UNK: variants seen among roughly 807,000 people sequenced by gnomAD.
UNK encodes the protein unk zinc finger, also known as RING finger protein unkempt homolog.
UNK carries 32 observed loss-of-function variants against 97.6 expected under a neutral mutation model. That is an observed-to-expected ratio of 0.33 (90% CI 0.25 to 0.44). The LOEUF is 0.44. Ranked by LOEUF, UNK falls within the 20% of genes least tolerant of loss-of-function variation. The pLI is 1.00. For missense variants in UNK, 771 were observed against 1,098.4 expected (o/e 0.70, Z 4.21); for synonymous variants, 441 against 461.2 (o/e 0.96, Z 0.56).
chr17:75,813,194 C>A lies in UNK; in HGVS notation c.739C>A (p.Pro247Thr). 6.3e-7 allele frequency: 1 copy of A among 1,587,564 alleles called. No individual in the cohort carries two copies. Among genetic ancestry groups the A allele is most frequent in the African/African-American group, 1.3e-5 (1 of 74,526 alleles). Residue 247 changes from proline (P) to threonine (T), a missense_variant, in exon 5 of 16, where the codon CCC becomes ACC. By Grantham distance (38) the Pro-to-Thr change is conservative (BLOSUM62 -1). Transcript: ENST00000589666. ...YHNSKDRRRS[P>T]RKHKYRSSPC... ...CAACAGCAAGGACCGGCGGCGGAGC[C>A]CCCGGAAGCACAAATACAGGTCCTT...
rs769605492 is a variant in UNK at position 75,809,984 on chromosome 17, C to T, written c.314+15C>T. The T allele has an allele frequency of 1.9e-6, 3 of 1,613,068 alleles. No homozygotes were observed. The highest frequency in any genetic ancestry group is 1.7e-5 in the Admixed American group (1 of 59,998). On this transcript the variant is annotated intron_variant, in intron 2 of 15. Coordinates refer to ENST00000589666, the MANE Select transcript of UNK (RefSeq NM_001080419.3). The stretch of plus-strand genomic sequence containing the variant: ...GAGGGCGACGAGTGAGTGACCCAGC[C>T]TGTCCTCAGAGGAGCCCCGTGTCTC...
At chr17:75,812,648 T>A in intron 4 of UNK, 63 bp downstream of exon 4, 1 of 1,563,352 alleles carries the variant, frequency 6.4e-7, no homozygotes, top group Non-Finnish European at 8.7e-7. Context: ...GCCCTGGGGA[T>A]TTGGCTCACC....
chr17:75,823,246 CTG>C lies in UNK; in HGVS notation c.2020-17_2020-16del. On this transcript the variant is annotated splice_polypyrimidine_tract_variant and intron_variant, in intron 14 of 15. Coordinates refer to ENST00000589666, the MANE Select transcript of UNK (RefSeq NM_001080419.3). ...GCAGGGCAGGGCCATTGTGATGAGA[CTG>C]TATGCTGGCCCCACAGGCTTGTGAT... 6.3e-7 allele frequency: 1 copy of C among 1,582,224 alleles called. No individual in the cohort carries two copies. Among genetic ancestry groups the C allele is most frequent in the South Asian group, 1.1e-5 (1 of 88,498 alleles).
rs1567808611 is a variant in UNK at position 75,818,587 on chromosome 17, C to T, written c.1372-55C>T. On this transcript the variant is annotated intron_variant, in intron 10 of 15. Transcript: ENST00000589666. This position sits in a 1 kb window ranked among gnomAD's most constrained non-coding sequence, Gnocchi z 5.1. ...CCCAGCCCCTCTCCAGCCTCTCGTC[C>T]TGGCCTCCGTATGCAGGCCTACCAT... 7 of 1,527,360 alleles carry T rather than the reference C, an allele frequency of 4.6e-6. No homozygotes were observed. In the East Asian group the frequency reaches 1.6e-4, roughly 35 times the overall value. 94.6% of individuals were successfully genotyped at this position (1,527,360 alleles called of 1,614,324 possible).
intron 3 of UNK, 62 bp from the exon 4 acceptor site, chr17:75,812,393 A>G: frequency 6.3e-7 from 1 of 1,585,490 alleles, no homozygotes; most frequent in Non-Finnish European, 8.6e-7. Context: ...GAGGGCTGGC[A>G]CTCTGGTTCT....
intron 13 of UNK, among the ~76,000 whole-genome samples, chr17:75,820,763 G>A (rs878371): frequency 0.49 from 74,977 of 152,002 alleles, 22,485 homozygotes; most frequent in Admixed American, 0.65. Flanking sequence ...TCCTGAGGGC[G>A]GGATGGGAAG....
At chr17:75,786,047 G>A (rs1027790262) in intron 1 of UNK, among the ~76,000 whole-genome samples, 11 of 152,208 alleles carry the variant, frequency 7.2e-5, no homozygotes, top group Admixed American at 7.2e-4. Context: ...AAGACCTTGG[G>A]AAACTGTTCT....
intron 7 of UNK, 67 bp downstream of exon 7, chr17:75,815,320 C>T: frequency 6.7e-6 from 10 of 1,493,566 alleles, no homozygotes; most frequent in Non-Finnish European, 6.4e-6. Context: ...CTAGCTCAGG[C>T]TTAGGCCGGG....
At chr17:75,802,455 G>T (rs1259491573) in intron 1 of UNK, among the ~76,000 whole-genome samples, 2 of 151,562 alleles carry the variant, frequency 1.3e-5, no homozygotes, top group Non-Finnish European at 2.9e-5. Flanking sequence ...TTTAGTGATG[G>T]GGTCTTGCTA....
intron 1 of UNK, chr17:75,794,077 G>A (rs2143689511): frequency 1.0e-6 from 1 of 984,982 alleles, no homozygotes; most frequent in Non-Finnish European, 1.2e-6. Context: ...ATAAATTAGA[G>A]ACTGGTACTT....
chr17:75,789,427 C>T (rs2061742804), intron 1 of UNK, among the ~76,000 whole-genome samples: 1 of 152,078 alleles, frequency 6.6e-6, no homozygotes, highest in African/African-American at 2.4e-5. Flanking sequence ...AGCTCCGCCT[C>T]CTGGGTTCAC....
chr17:75,786,345 G>C (rs1350492264), intron 1 of UNK, among the ~76,000 whole-genome samples: 1 of 152,110 alleles, frequency 6.6e-6, no homozygotes, highest in Non-Finnish European at 1.5e-5. Flanking sequence ...ATAATCTCTG[G>C]TTGCTCAGAT....
chr17:75,818,241 G>T lies in UNK; in HGVS notation c.1371+73G>T. ...GGCCCAGAACCCCAGGAGGCTTCGG[G>T]GAGTGGGAGGCACCACTTTTCCCAA... On this transcript the variant is annotated intron_variant, in intron 10 of 15. Transcript: ENST00000589666. The surrounding 1 kb of genome is among the most constrained non-coding windows in gnomAD (Gnocchi z 5.1). The T allele has an allele frequency of 6.5e-7, 1 of 1,537,092 alleles. No individual in the cohort carries two copies. The highest frequency in any genetic ancestry group is 8.9e-7 in the Non-Finnish European group (1 of 1,122,578).
intron 7 of UNK, among the ~76,000 whole-genome samples, chr17:75,815,512 A>G (rs1255008231): frequency 2.6e-5 from 4 of 152,200 alleles, no homozygotes; most frequent in African/African-American, 9.7e-5. Flanking sequence ...GGTTCCAGGG[A>G]GGGTTGAGGC....
intron 1 of UNK, among the ~76,000 whole-genome samples, chr17:75,799,769 G>C (rs1302503792): frequency 6.6e-6 from 1 of 152,132 alleles, no homozygotes; most frequent in Admixed American, 6.6e-5. Context: ...CCCTCAGGGT[G>C]ATCTAGACCC....
chr17:75,784,836 CTGAA>C lies in UNK; in HGVS notation c.-43_-40del. 1.3e-6 allele frequency: 2 copies of C among 1,591,582 alleles called. No individual in the cohort carries two copies. The highest frequency in any genetic ancestry group is 8.6e-7 in the Non-Finnish European group (1 of 1,161,648). ...GGGTCCTCGGCGCGGACCGCGCAGA[CTGAA>C]TAATAAAAGGGGAGCGGCGAAGAGG... is the stretch of plus-strand genomic sequence containing the variant. On this transcript the variant is annotated 5_prime_UTR_variant, in exon 1 of 16. Transcript: ENST00000589666.
chr17:75,818,873 CCA>C lies in UNK; in HGVS notation c.1546+58_1546+59del. ...GACTGGGTCTGGGGTCAGAGACCCC[CCA>C]GTCTCTGAAGCGAGTCTCAAATCAG... On this transcript the variant is annotated intron_variant, in intron 11 of 15. Coordinates refer to ENST00000589666, the MANE Select transcript of UNK (RefSeq NM_001080419.3). The surrounding 1 kb of genome is among the most constrained non-coding windows in gnomAD (Gnocchi z 5.1). 1 of 1,464,024 alleles carries C rather than the reference CCA, an allele frequency of 6.8e-7. No individual in the cohort carries two copies. The highest frequency in any genetic ancestry group is 1.8e-4 in the Middle Eastern group (1 of 5,574). 90.7% of individuals were successfully genotyped at this position (1,464,024 alleles called of 1,614,324 possible).
chr17:75,822,344 C>G, intron 13 of UNK, 133 bp from the exon 14 acceptor site: 1 of 1,144,716 alleles, frequency 8.7e-7, no homozygotes, highest in Non-Finnish European at 1.2e-6. Context: ...GCAAAATTCT[C>G]TGGCCTGACA....
Position 75,815,235 on chromosome 17 carries a change from G to A in UNK, c.943G>A (p.Ala315Thr). The A allele has an allele frequency of 6.2e-7, 1 of 1,613,396 alleles. No homozygotes were observed. The highest frequency in any genetic ancestry group is 8.5e-7 in the Non-Finnish European group (1 of 1,179,670). ...CAGCTGTCCCCGAGGACCCTTCTGC[G>A]CCTTTGCCCACGTAGAACGTATGCT... ...SGSCPRGPFCAFAHVEQPPLS... is the reference protein window; with the variant it reads ...SGSCPRGPFCTFAHVEQPPLS... The change falls in exon 7 of 16, where the codon GCC (alanine) becomes ACC (threonine). Residue 315 changes from alanine to threonine, a missense_variant. By Grantham distance (58) the Ala-to-Thr change is moderately conservative. Coordinates refer to ENST00000589666, the MANE Select transcript of UNK (RefSeq NM_001080419.3).
Sources: gnomAD v4.1 joint callset for allele counts (sites outside exome capture counted in the v4.1 genomes callset) on GRCh38, gnomAD v4.1.1 for gene constraint, Gnocchi (gnomAD v3.1) non-coding constraint, MANE v1.5 for transcripts, NCBI Gene and HGNC (gene_info 2026-07-23, HGNC 2026-07-21) for gene names.